Variants in RNF130 observed in about 807,000 individuals in gnomAD.
RNF130 encodes E3 ubiquitin-protein ligase RNF130.
A neutral mutation model predicts 44.6 loss-of-function variants in RNF130; 21 were observed. The ratio of observed to expected loss-of-function variants is 0.47; its 90% CI spans 0.33 to 0.68. RNF130 has a LOEUF of 0.68. RNF130 is among the 30% of genes least tolerant of loss of function. RNF130 has a pLI of 0.02. For synonymous variants in RNF130, 214 were observed against 210.4 expected, an observed-to-expected ratio of 1.02 and a Z score of -0.15; for missense variants, 479 against 560.6, an observed-to-expected ratio of 0.85 and a Z score of 1.47.
chr5:179,935,062 G>A (rs1384357340), intron 7 of RNF130, among the ~76,000 whole-genome samples: 2 of 152,170 alleles, frequency 1.3e-5, no homozygotes, highest in Non-Finnish European at 2.9e-5. Flanking sequence ...AGCATTCAAT[G>A]AAACATTTTA....
At chr5:179,991,077 G>A (rs1763071852) in intron 3 of RNF130, among the ~76,000 whole-genome samples, 1 of 152,152 alleles carries the variant, frequency 6.6e-6, no homozygotes. Context: ...ATTCTAGCTG[G>A]ATGAAAATTT....
At chr5:179,946,701 C>G (rs933486451) in intron 7 of RNF130, among the ~76,000 whole-genome samples, 2 of 151,922 alleles carry the variant, frequency 1.3e-5, no homozygotes, top group Non-Finnish European at 2.9e-5. Context: ...CTACAGGCGC[C>G]CGCCACCACG....
At chr5:179,982,851 TGA>T (rs1762868784) in intron 3 of RNF130, among the ~76,000 whole-genome samples, 2 of 152,214 alleles carry the variant, frequency 1.3e-5, no homozygotes, top group East Asian at 1.9e-4. Context: ...CCCAAAATGC[TGA>T]GATTACAGGT....
At chr5:179,967,312 G>T (rs1045030712) in intron 6 of RNF130, among the ~76,000 whole-genome samples, 2 of 152,206 alleles carry the variant, frequency 1.3e-5, no homozygotes, top group East Asian at 3.8e-4. Flanking sequence ...TTAACATAAA[G>T]ATAGCAAACA....
chr5:180,071,473 G>C lies in RNF130; in HGVS notation c.230C>G (p.Pro77Arg). The stretch of plus-strand genomic sequence containing the variant: ...GCACTCACCTCCGTGGAGGGGCAGC[G>C]GCGCCAGCACCTGGCCGCGGACCTC... ...KAEVRGQVLAPLPLHGVADHL... is the reference protein window; with the variant it reads ...KAEVRGQVLARLPLHGVADHL... Residue 77 changes from proline to arginine, a missense_variant, in exon 1 of 9, where the codon CCG becomes CGG. Physicochemically the swap from Pro to Arg is moderately radical, Grantham distance 103 (BLOSUM62 -2). Transcript: ENST00000521389. 2 of 1,246,816 alleles carry C rather than the reference G, an allele frequency of 1.6e-6. No homozygotes were observed. Among genetic ancestry groups the C allele is most frequent in the Non-Finnish European group, 2.0e-6 (2 of 993,704 alleles). The allele number at this position is 1,246,816 out of a possible 1,614,324, so 77.2% of individuals were successfully genotyped here.
At chr5:179,985,712 A>G (rs1762938484) in intron 3 of RNF130, among the ~76,000 whole-genome samples, 1 of 152,184 alleles carries the variant, frequency 6.6e-6, no homozygotes, top group South Asian at 2.1e-4. Context: ...GCTGGTGTTT[A>G]GTAGCTTTAT....
chr5:180,030,602 G>C (rs975346039), intron 2 of RNF130, among the ~76,000 whole-genome samples: 3 of 152,062 alleles, frequency 2.0e-5, no homozygotes, highest in Non-Finnish European at 4.4e-5. Context: ...TTGACCTCCT[G>C]GGGTCAAGGG....
chr5:179,947,933 C>G (rs1762069053), intron 7 of RNF130, among the ~76,000 whole-genome samples: 1 of 152,096 alleles, frequency 6.6e-6, no homozygotes, highest in African/African-American at 2.4e-5. Context: ...TAGCTCAGCC[C>G]TCAAATAGCT....
chr5:180,032,691 T>C (rs1020520899), intron 2 of RNF130, among the ~76,000 whole-genome samples: 1 of 152,264 alleles, frequency 6.6e-6, no homozygotes, highest in Admixed American at 6.5e-5. Flanking sequence ...CACTGATCTA[T>C]ATGCCTGTCC....
Position 180,005,577 on chromosome 5 carries a change from C to T in RNF130, c.693+7484G>A, listed in dbSNP as rs148617446. ...ACTCACAAGTCTCCTGCCCACTATTCCTGATGTTTCAGTCATTCAACTCTT... is the reference window on the plus strand; with the variant it reads ...ACTCACAAGTCTCCTGCCCACTATTTCTGATGTTTCAGTCATTCAACTCTT... On this transcript the variant is annotated intron_variant, in intron 3 of 8. Transcript: ENST00000521389. Among the ~76,000 whole-genome samples the T allele has an allele frequency of 2.8e-3, 431 of 152,284 alleles. 1 individual carries two copies. The highest frequency in any genetic ancestry group is 5.6e-3 in the Admixed American group (85 of 15,294).
intron 2 of RNF130, among the ~76,000 whole-genome samples, chr5:180,023,007 TTTACA>T (rs1763907498): frequency 6.6e-6 from 1 of 152,212 alleles, no homozygotes; most frequent in Non-Finnish European, 1.5e-5. Context: ...AAATCTGTTA[TTTACA>T]TTAAAGAATT....
chr5:179,931,177 C>T (rs1761802182), intron 7 of RNF130, among the ~76,000 whole-genome samples: 2 of 151,910 alleles, frequency 1.3e-5, no homozygotes, highest in African/African-American at 2.4e-5. Flanking sequence ...ATTCCTGTGA[C>T]AGTGTTTCCC....
At chr5:179,936,138 T>G (rs1761889037) in intron 7 of RNF130, among the ~76,000 whole-genome samples, 1 of 152,212 alleles carries the variant, frequency 6.6e-6, no homozygotes, top group South Asian at 2.1e-4. Flanking sequence ...TTCTCTTATC[T>G]TGAGACAGGG....
chr5:179,997,039 A>AT (rs1189429824), intron 3 of RNF130, among the ~76,000 whole-genome samples: 1 of 152,200 alleles, frequency 6.6e-6, no homozygotes, highest in Non-Finnish European at 1.5e-5. Flanking sequence ...TCTTGAATCT[A>AT]TGTTGGTATA....
At chr5:180,039,812 CCCTCTTCT>C (rs1381028184) in intron 2 of RNF130, among the ~76,000 whole-genome samples, 1 of 152,086 alleles carries the variant, frequency 6.6e-6, no homozygotes, top group Non-Finnish European at 1.5e-5. Flanking sequence ...AGGGTGTGAG[CCCTCTTCT>C]GTTGGCCCTT....
chr5:180,049,908 C>T (rs1349462745), intron 1 of RNF130, among the ~76,000 whole-genome samples: 1 of 152,014 alleles, frequency 6.6e-6, no homozygotes, highest in East Asian at 1.9e-4. Context: ...TTTTTTAGTG[C>T]CTACCCTTAA....
At chr5:180,000,591 C>T (rs1763310582) in intron 3 of RNF130, among the ~76,000 whole-genome samples, 1 of 151,196 alleles carries the variant, frequency 6.6e-6, no homozygotes, top group East Asian at 1.9e-4. Flanking sequence ...ATTCTTATTT[C>T]TTTTTTTTTG....
chr5:179,920,654 G>A (rs1266875040), intron 7 of RNF130, among the ~76,000 whole-genome samples: 1 of 152,088 alleles, frequency 6.6e-6, no homozygotes, highest in South Asian at 2.1e-4. Context: ...AACCACTGGA[G>A]CTCCTCAAAG....
rs564818177 is a variant in RNF130, at chr5:179,923,139, C to T, written c.1151-2713G>A. Among the ~76,000 whole-genome samples, 126 of 152,222 alleles carry T rather than the reference C, an allele frequency of 8.3e-4. 1 individual carries two copies. Among genetic ancestry groups the T allele is most frequent in the Admixed American group, 2.3e-3 (35 of 15,296 alleles). ...AATCCCAAGGTCACTAAGATTTTCT[C>T]GTACATGTTCATCTAGAAGCTTTAT... On this transcript the variant is annotated intron_variant, in intron 7 of 7. Transcript: ENST00000522208.
Sources: allele counts gnomAD v4.1 joint callset (sites outside exome capture counted in the v4.1 genomes callset), GRCh38; gene constraint gnomAD v4.1.1; transcripts MANE v1.5; gene names NCBI Gene and HGNC (gene_info 2026-07-23, HGNC 2026-07-21).